WDR27: variants seen among roughly 807,000 people sequenced by gnomAD.
WDR27 encodes the protein WD repeat domain 27.
WDR27 carries 100 observed loss-of-function variants against 114.4 expected under a neutral mutation model. The observed-to-expected ratio is 0.87, with a 90% CI of 0.74 to 1.03. WDR27 has a LOEUF of 1.03. Ranked by LOEUF, WDR27 falls within the 50% of genes least tolerant of loss-of-function variation. The probability of loss-of-function intolerance (pLI) is 0.00; values close to 1 mark genes in which losing one functional copy is unlikely to be tolerated. For synonymous variants in WDR27, 449 were observed against 423.1 expected, an observed-to-expected ratio of 1.06 and a Z score of -0.75; for missense variants, 1,129 against 1,092.9, an observed-to-expected ratio of 1.03 and a Z score of -0.47.
At chr6:169,452,246 G>A (rs1446172208), downstream of WDR27, among the ~76,000 whole-genome samples, 1 of 152,226 alleles carries the variant, frequency 6.6e-6, no homozygotes, top group Admixed American at 6.5e-5. Flanking sequence ...CTTACTCACT[G>A]CGGCTGGAAC....
intron 25 of WDR27, among the ~76,000 whole-genome samples, chr6:169,481,822 ACCACGAAC>A: frequency 6.6e-6 from 1 of 152,224 alleles, no homozygotes; most frequent in Non-Finnish European, 1.5e-5. Context: ...AGCCAGTGAG[ACCACGAAC>A]CCACCAGAAG....
intron 14 of WDR27, among the ~76,000 whole-genome samples, chr6:169,651,178 C>CGGGGGGGG (rs200606067): frequency 8.8e-4 from 3 of 3,392 alleles, no homozygotes; most frequent in East Asian, 7.7e-3. Context: ...CACAGCAGTG[C>CGGGGGGGG]GGGGCGGGGG....
intron 25 of WDR27, among the ~76,000 whole-genome samples, chr6:169,475,060 G>A (rs1469433074): frequency 1.3e-5 from 2 of 152,212 alleles, no homozygotes; most frequent in African/African-American, 2.4e-5. Context: ...CTTACTGTCA[G>A]TTGTTGGCCA....
chr6:169,598,472 T>C (rs1225511791), intron 23 of WDR27, among the ~76,000 whole-genome samples: 5 of 152,190 alleles, frequency 3.3e-5, no homozygotes. Context: ...GGTAATGGCA[T>C]TAATCCTTGC....
the WDR27 span, chr6:169,426,674 CT>C: frequency 6.6e-6 from 1 of 152,338 alleles, no homozygotes; most frequent in African/African-American, 2.4e-5. Context: ...GCTCCAGGAT[CT>C]GGGTGGGCCC....
At chr6:169,428,207 C>T in the WDR27 span, among the ~76,000 whole-genome samples, 1 of 152,070 alleles carries the variant, frequency 6.6e-6, no homozygotes, top group Admixed American at 6.5e-5. Flanking sequence ...GCATTTTCTC[C>T]AGTGGAGAGC....
Position 169,517,660 on chromosome 6 carries a change from A to AT in WDR27, c.2645+54758dup, listed in dbSNP as rs571443485. 8.8e-4 allele frequency among the ~76,000 whole-genome samples: 134 copies of AT among 152,316 alleles called. 1 individual carries two copies. The highest frequency in any genetic ancestry group is 3.0e-3 in the African/African-American group (123 of 41,574). On this transcript the variant is annotated intron_variant, in intron 25 of 25. Coordinates refer to ENST00000448612, the MANE Select transcript of WDR27 (RefSeq NM_182552.5). ...TGGTTATAGGGAAGTTCTGGCAACA[A>AT]TGGACCCTCTTAATTTTTGTTTATA...
At chr6:169,625,260 A>G (rs1814501155) in intron 21 of WDR27, among the ~76,000 whole-genome samples, 2 of 152,228 alleles carry the variant, frequency 1.3e-5, no homozygotes, top group South Asian at 4.1e-4. Context: ...TTGAGCACCG[A>G]CTGTATGCTA....
In WDR27 at chr6:169,647,794, C is replaced by A; in HGVS notation, c.1636G>T (p.Val546Leu). The A allele has an allele frequency of 1.3e-6, 2 of 1,583,996 alleles. No homozygotes were observed. The highest frequency in any genetic ancestry group is 1.7e-6 in the Non-Finnish European group (2 of 1,165,570). Residue 546 changes from valine to leucine, a missense_variant, in exon 16 of 26, where the codon GTA (valine) becomes TTA (leucine). Transcript: ENST00000448612. ...QVAAAPTCTR[V>L]CCIQYSGDGQ... is the part of the protein sequence containing the mutation. Reference sequence around the variant, plus strand: ...GCACCTGAGTACTGGATGCAGCATACACGTGTGCAGGTGGGGGCGGCAGCG... The same window carrying A: ...GCACCTGAGTACTGGATGCAGCATAAACGTGTGCAGGTGGGGGCGGCAGCG...
At chr6:169,632,599 T>G (rs1816697124) in intron 21 of WDR27, among the ~76,000 whole-genome samples, 1 of 152,194 alleles carries the variant, frequency 6.6e-6, no homozygotes, top group Non-Finnish European at 1.5e-5. Context: ...AAGCTACTGA[T>G]TTAGCAAGGC....
the WDR27 span, among the ~76,000 whole-genome samples, chr6:169,444,668 TG>T: frequency 4.7e-4 from 70 of 149,250 alleles, no homozygotes; most frequent in African/African-American, 6.6e-4. Flanking sequence ...ACTGTTTTTT[TG>T]TTTTTTTTTT....
chr6:169,667,295 A>T (rs1324987479), intron 5 of WDR27, 108 bp from the exon 6 acceptor site: 3 of 1,267,404 alleles, frequency 2.4e-6, no homozygotes, highest in Non-Finnish European at 3.0e-6. Flanking sequence ...ACAAATGGTT[A>T]TCTAAAACAG....
rs751210817 is a variant in WDR27 at position 169,613,634 on chromosome 6, T to C, written c.2246A>G (p.Gln749Arg). ...QNKGSSFTTQ[Q>R]PQAYNLFLTT... ...CAGGAAAAGGTTATAAGCCTGAGGC[T>C]GTTGGGTTGTAAATGATGAACCCTA... Residue 749 changes from glutamine to arginine, a missense_variant, in exon 22 of 26, where the codon CAG (glutamine) becomes CGG (arginine). Coordinates refer to ENST00000448612, the MANE Select transcript of WDR27 (RefSeq NM_182552.5). The C allele has an allele frequency of 6.2e-7, 1 of 1,613,534 alleles. No homozygotes were observed. The highest frequency in any genetic ancestry group is 1.7e-5 in the Admixed American group (1 of 60,016).
chr6:169,602,215 A>C lies in WDR27; in HGVS notation c.2424+4T>G, dbSNP rs1237793205. On this transcript the variant is annotated splice_donor_region_variant and intron_variant, in intron 23 of 25. Transcript: ENST00000448612. ...ACATTTATAGACAGTCAAACAGTAC[A>C]TACGTGTCTGTCCTCGGCCCCACAA... 1.3e-6 allele frequency: 2 copies of C among 1,548,330 alleles called. No homozygotes were observed. The highest frequency in any genetic ancestry group is 1.4e-5 in the African/African-American group (1 of 73,258).
At chr6:169,583,605 A>T (rs1265826415) in intron 23 of WDR27, among the ~76,000 whole-genome samples, 1 of 151,152 alleles carries the variant, frequency 6.6e-6, no homozygotes, top group Non-Finnish European at 1.5e-5. Flanking sequence ...AAAATCTGTT[A>T]TCAGATACCA....
At chr6:169,701,330 G>A (rs1437520685) in intron 1 of WDR27, among the ~76,000 whole-genome samples, 1 of 152,138 alleles carries the variant, frequency 6.6e-6, no homozygotes, top group African/African-American at 2.4e-5. Flanking sequence ...TTTGGCTCGA[G>A]TTAGGAAAAC....
At chr6:169,652,512 G>A (rs544989429) in intron 13 of WDR27, among the ~76,000 whole-genome samples, 2 of 152,208 alleles carry the variant, frequency 1.3e-5, no homozygotes, top group South Asian at 4.1e-4. Flanking sequence ...CTCCCAAAAT[G>A]CTGGGATTAC....
the WDR27 span, among the ~76,000 whole-genome samples, chr6:169,433,903 C>CT: frequency 6.6e-6 from 1 of 152,340 alleles, no homozygotes; most frequent in Admixed American, 6.5e-5. Flanking sequence ...TGAGAAGTGT[C>CT]TGTTCATATC....
In WDR27 at chr6:169,701,563, C is replaced by T. The variant is rs1163642139; in HGVS notation, c.-20G>A. 6.2e-6 allele frequency: 1 copy of T among 160,532 alleles called. No individual in the cohort carries two copies. The highest frequency in any genetic ancestry group is 2.4e-5 in the African/African-American group (1 of 41,490). 9.9% of individuals were successfully genotyped at this position (160,532 alleles called of 1,614,324 possible). On this transcript the variant is annotated 5_prime_UTR_variant, in exon 1 of 26. Transcript: ENST00000448612. The stretch of plus-strand genomic sequence containing the variant: ...TTAAAATAACCACCTGAGCCCTTTT[C>T]CTCCGAACTCCACATGCGCTCAGTT...
Sources: gnomAD v4.1 joint callset for allele counts (sites outside exome capture counted in the v4.1 genomes callset) on GRCh38, gnomAD v4.1.1 for gene constraint, MANE v1.5 for transcripts, NCBI Gene and HGNC (gene_info 2026-07-23, HGNC 2026-07-21) for gene names.